The following IFT140 variants were observed in gnomAD, a reference collection of about 807,000 sequenced individuals.
The protein encoded by IFT140 is intraflagellar transport 140, also known as intraflagellar transport protein 140 homolog.
A neutral mutation model predicts 164.6 loss-of-function variants in IFT140; 133 were observed. The ratio of observed to expected loss-of-function variants is 0.81; its 90% CI spans 0.70 to 0.93. The LOEUF (loss-of-function observed/expected upper bound fraction) is 0.93. Among genes scored for constraint, IFT140 ranks in the 40% least tolerant of loss-of-function variants. The pLI is 0.00. For synonymous variants in IFT140, 860 were observed against 817.3 expected (o/e 1.05, Z -0.89); for missense variants, 2,045 against 1,972.3 (o/e 1.04, Z -0.70).
At chr16:1,571,790 GTC>G (rs1567386793) in intron 13 of IFT140, among the ~76,000 whole-genome samples, 1 of 152,168 alleles carries the variant, frequency 6.6e-6, no homozygotes, top group African/African-American at 2.4e-5. Context: ...GGTGCCTCCA[GTC>G]TAGAGGGGAA....
At chr16:1,547,141 T>C (rs2032243732) in intron 19 of IFT140, among the ~76,000 whole-genome samples, 1 of 152,224 alleles carries the variant, frequency 6.6e-6, no homozygotes, top group African/African-American at 2.4e-5. Context: ...CCACTCCCCA[T>C]TACCTTGTAA....
At chr16:1,559,421 A>AGG (rs2033284670) in intron 18 of IFT140, among the ~76,000 whole-genome samples, 1 of 152,162 alleles carries the variant, frequency 6.6e-6, no homozygotes, top group African/African-American at 2.4e-5. Flanking sequence ...CACGGTGCAG[A>AGG]GGCAGGGTCC....
At chr16:1,513,580 C>A (rs549804402) in intron 30 of IFT140, among the ~76,000 whole-genome samples, 1 of 152,110 alleles carries the variant, frequency 6.6e-6, no homozygotes, top group Admixed American at 6.5e-5. Context: ...CTAATGACGA[C>A]GGACACATGG....
intron 19 of IFT140, among the ~76,000 whole-genome samples, chr16:1,544,164 C>G (rs2031924750): frequency 7.2e-6 from 1 of 139,320 alleles, no homozygotes; most frequent in Non-Finnish European, 1.7e-5. Context: ...ATTGCAGGCA[C>G]CTGCCACCAC....
rs531111349 is a variant in IFT140, at chr16:1,610,808, A to C, written c.-176T>G. 62 of 153,770 alleles carry C rather than the reference A, an allele frequency of 4.0e-4. No individual in the cohort carries two copies. The highest frequency in any genetic ancestry group is 1.5e-3 in the African/African-American group (62 of 41,636). The allele number at this position is 153,770 out of a possible 1,614,324, so 9.5% of individuals were successfully genotyped here. A position where few individuals can be genotyped will look rare whatever the true frequency, so the allele number is the denominator to read the frequency against. On this transcript the variant is annotated 5_prime_UTR_variant, in exon 2 of 31. Transcript: ENST00000426508. ...AAGAGCCGAAGGCGATCGGGCACGC[A>C]CGTGCAGCTCCGAGGCCCGAGCGTC...
rs745332982 is a variant in IFT140, at chr16:1,602,564, C to T, written c.175G>A (p.Glu59Lys). Residue 59 changes from glutamate (E) to lysine (K), a missense_variant, in exon 4 of 31, where the codon GAG becomes AAG. By Grantham distance (56) the Glu-to-Lys change is moderately conservative. Coordinates refer to ENST00000426508, the MANE Select transcript of IFT140 (RefSeq NM_014714.4). ...AGGGAAGCAACCCGGAACGGCCTCT[C>T]GACGTGTGTATCTGGCACGCACTCC... is the stretch of plus-strand genomic sequence containing the variant. ...QGECVPDTHV[E>K]RPFRVASLCW... 8.1e-6 allele frequency: 13 copies of T among 1,613,366 alleles called. No homozygotes were observed. Among genetic ancestry groups the T allele is most frequent in the Admixed American group, 3.3e-5 (2 of 60,026 alleles).
At chr16:1,587,621 CACA>C (rs1171754377) in intron 8 of IFT140, among the ~76,000 whole-genome samples, 1 of 152,202 alleles carries the variant, frequency 6.6e-6, no homozygotes, top group Non-Finnish European at 1.5e-5. Flanking sequence ...CAGCAGAGAC[CACA>C]ACGACTGATT....
intron 15 of IFT140, 60 bp from the exon 16 acceptor site, chr16:1,566,351 C>A: frequency 6.3e-7 from 1 of 1,582,560 alleles, no homozygotes; most frequent in Non-Finnish European, 8.6e-7. Flanking sequence ...GGTTGGTGGG[C>A]TGTGCTAGGG....
intron 19 of IFT140, among the ~76,000 whole-genome samples, chr16:1,529,899 C>T (rs1802477188): frequency 6.6e-6 from 1 of 152,142 alleles, no homozygotes; most frequent in African/African-American, 2.4e-5. Context: ...GCAGGGGTCA[C>T]ATCTGAATCT....
At chr16:1,521,671 C>T (rs968190026) in intron 26 of IFT140, among the ~76,000 whole-genome samples, 12 of 151,306 alleles carry the variant, frequency 7.9e-5, no homozygotes, top group African/African-American at 2.4e-4. Context: ...GGATTACAGG[C>T]GTGAGCCACC....
intron 21 of IFT140, 147 bp downstream of exon 21, chr16:1,525,740 G>T: frequency 2.4e-6 from 2 of 842,096 alleles, no homozygotes; most frequent in South Asian, 1.9e-5. Context: ...ACTCCCAGAA[G>T]CTTCCTGCCG....
chr16:1,516,188 T>G (rs1261451737), intron 30 of IFT140, among the ~76,000 whole-genome samples: 7 of 76,834 alleles, frequency 9.1e-5, no homozygotes, highest in African/African-American at 1.7e-4. Context: ...ACACCAGAAA[T>G]GGATGGTAAA....
At chr16:1,525,126 C>T (rs1333809772) in intron 22 of IFT140, 105 bp downstream of exon 22, 1 of 1,202,726 alleles carries the variant, frequency 8.3e-7, no homozygotes, top group Non-Finnish European at 1.2e-6. Flanking sequence ...ACGCTGCCCA[C>T]TCGTGCAGGA....
At chr16:1,603,925 A>G (rs1416742981) in intron 3 of IFT140, among the ~76,000 whole-genome samples, 1 of 152,214 alleles carries the variant, frequency 6.6e-6, no homozygotes, top group Non-Finnish European at 1.5e-5. Context: ...CCAATAGATC[A>G]CTATTTTGAA....
chr16:1,540,222 A>G (rs772986187), intron 19 of IFT140, among the ~76,000 whole-genome samples: 12 of 152,230 alleles, frequency 7.9e-5, no homozygotes, highest in Non-Finnish European at 1.6e-4. Context: ...TGGGAAGCAG[A>G]TGCCTCGGCT....
At chr16:1,512,175 G>A (rs1262806294) in intron 30 of IFT140, among the ~76,000 whole-genome samples, 2 of 111,454 alleles carry the variant, frequency 1.8e-5, no homozygotes, top group East Asian at 6.4e-4. Context: ...GGGGCAGGAT[G>A]GGGGGCAGGA....
In IFT140 at chr16:1,532,930, T is replaced by C. The variant is rs117977553; in HGVS notation, c.2400-6134A>G. On this transcript the variant is annotated intron_variant, in intron 19 of 30. Transcript: ENST00000426508. Reference sequence around the variant, plus strand: ...TGTGGGGGGTGACCGTTCCCATCAATAGCAGAGGTGGCCCAGGCCCCACGT... The same window carrying C: ...TGTGGGGGGTGACCGTTCCCATCAACAGCAGAGGTGGCCCAGGCCCCACGT... 859 of 152,570 alleles carry C rather than the reference T, an allele frequency of 5.6e-3. 4 individuals are homozygous for C. The highest frequency in any genetic ancestry group is 9.4e-3 in the Non-Finnish European group (644 of 68,248). 9.5% of individuals were successfully genotyped at this position (152,570 alleles called of 1,614,324 possible). A position where few individuals can be genotyped will look rare whatever the true frequency, so the allele number is the denominator to read the frequency against.
intron 19 of IFT140, among the ~76,000 whole-genome samples, chr16:1,548,035 C>G (rs1441774848): frequency 2.6e-5 from 4 of 152,180 alleles, no homozygotes; most frequent in Non-Finnish European, 5.9e-5. Flanking sequence ...CAGTTTATGT[C>G]CCTTCGTCTC....
intron 3 of IFT140, among the ~76,000 whole-genome samples, chr16:1,606,531 G>A (rs546726783): frequency 6.6e-4 from 101 of 152,284 alleles, no homozygotes; most frequent in African/African-American, 2.3e-3. Context: ...CGTGATCGCC[G>A]CTCACTGCAA....
Sources: allele counts gnomAD v4.1 joint callset (sites outside exome capture counted in the v4.1 genomes callset), GRCh38; gene constraint gnomAD v4.1.1; transcripts MANE v1.5; gene names NCBI Gene and HGNC (gene_info 2026-07-23, HGNC 2026-07-21).